The following COL5A2 variants were observed in gnomAD, a reference collection of about 807,000 sequenced individuals.
The protein encoded by COL5A2 is collagen type V alpha 2 chain.
COL5A2 carries 23 observed loss-of-function variants against 208.2 expected under a neutral mutation model. The observed-to-expected ratio is 0.11, with a 90% CI of 0.08 to 0.16. COL5A2 has a LOEUF of 0.16. COL5A2 is among the 10% of genes least tolerant of loss of function. The probability of loss-of-function intolerance (pLI) is 1.00; values close to 1 mark genes in which losing one functional copy is unlikely to be tolerated. For missense variants in COL5A2, 1,590 were observed against 1,956.4 expected (o/e 0.81, Z 3.53); for synonymous variants, 625 against 628.5 (o/e 0.99, Z 0.08).
the COL5A2 span, among the ~76,000 whole-genome samples, chr2:189,259,221 CA>C: frequency 1.3e-5 from 2 of 151,824 alleles, no homozygotes; most frequent in African/African-American, 4.8e-5. Flanking sequence ...ATTATGCAAG[CA>C]AAAAATGCTT....
the COL5A2 span, among the ~76,000 whole-genome samples, chr2:189,408,081 T>C: frequency 6.6e-6 from 1 of 152,166 alleles, no homozygotes; most frequent in Non-Finnish European, 1.5e-5. Context: ...CCTAGATTTG[T>C]GTGTTTGATT....
At chr2:189,421,460 T>C in the COL5A2 span, among the ~76,000 whole-genome samples, 1 of 152,126 alleles carries the variant, frequency 6.6e-6, no homozygotes, top group Non-Finnish European at 1.5e-5. Context: ...GTAGGAAAGA[T>C]AGTTTTATGT....
chr2:189,043,121 G>A (rs1165402367), intron 48 of COL5A2, 30 bp downstream of exon 48: 1 of 1,509,092 alleles, frequency 6.6e-7, no homozygotes. Context: ...TCAACTACAG[G>A]GCAGAATAAT....
intron 1 of COL5A2, among the ~76,000 whole-genome samples, chr2:189,197,358 G>A (rs1209727786): frequency 6.6e-6 from 1 of 151,920 alleles, no homozygotes; most frequent in Admixed American, 6.6e-5. Flanking sequence ...CTAGATGATG[G>A]GTTGATAGGT....
chr2:189,308,208 C>T, the COL5A2 span, among the ~76,000 whole-genome samples: 3 of 137,718 alleles, frequency 2.2e-5, no homozygotes, highest in Non-Finnish European at 3.1e-5. Flanking sequence ...AGCCCTCCCC[C>T]CTCCCTCTCA....
At chr2:189,232,600 TA>T in the COL5A2 span, among the ~76,000 whole-genome samples, 1 of 151,758 alleles carries the variant, frequency 6.6e-6, no homozygotes, top group African/African-American at 2.4e-5. Context: ...TCATTGCTGC[TA>T]TAGACTGAAT....
chr2:189,045,150 T>C (rs756004221), intron 47 of COL5A2, 29 bp downstream of exon 47: 3 of 1,555,064 alleles, frequency 1.9e-6, no homozygotes, highest in Non-Finnish European at 2.6e-6. Context: ...AAGAAAACAT[T>C]TTTTAAAAAA....
At chr2:189,185,953 G>T (rs1420488863) in intron 1 of COL5A2, among the ~76,000 whole-genome samples, 1 of 152,082 alleles carries the variant, frequency 6.6e-6, no homozygotes, top group Non-Finnish European at 1.5e-5. Flanking sequence ...GAGCAGGAGC[G>T]CATAGAAATG....
At chr2:189,100,985 C>T (rs937391002) in intron 3 of COL5A2, among the ~76,000 whole-genome samples, 22 of 151,954 alleles carry the variant, frequency 1.4e-4, no homozygotes, top group Non-Finnish European at 3.2e-4. Flanking sequence ...TAATCATTTA[C>T]TAATTTGTAT....
At chr2:189,253,576 T>C in the COL5A2 span, among the ~76,000 whole-genome samples, 2 of 152,258 alleles carry the variant, frequency 1.3e-5, no homozygotes, top group African/African-American at 4.8e-5. Flanking sequence ...ATATATTGCA[T>C]GTTTACCTTT....
intron 36 of COL5A2, 105 bp from the exon 37 acceptor site, chr2:189,054,053 T>A: frequency 7.1e-7 from 1 of 1,411,486 alleles, no homozygotes; most frequent in Non-Finnish European, 1.0e-6. Flanking sequence ...AACTCTGAAA[T>A]GATCTTGCTC....
At chr2:189,408,550 C>A in the COL5A2 span, among the ~76,000 whole-genome samples, 4 of 152,020 alleles carry the variant, frequency 2.6e-5, no homozygotes, top group Non-Finnish European at 5.9e-5. Flanking sequence ...AATTCAGTGG[C>A]CATGGTGACC....
At chr2:189,195,335 C>T (rs1211279900) in intron 1 of COL5A2, among the ~76,000 whole-genome samples, 3 of 152,152 alleles carry the variant, frequency 2.0e-5, no homozygotes, top group Non-Finnish European at 4.4e-5. Context: ...AAAGGAAAAA[C>T]ATTCCATCTT....
chr2:189,298,822 C>G, the COL5A2 span, among the ~76,000 whole-genome samples: 31 of 152,142 alleles, frequency 2.0e-4, no homozygotes, highest in African/African-American at 7.5e-4. Context: ...ACAATCACTG[C>G]ATGTATGACA....
chr2:189,071,922 C>T, intron 18 of COL5A2, 118 bp downstream of exon 18: 1 of 688,848 alleles, frequency 1.5e-6, no homozygotes, highest in Non-Finnish European at 2.6e-6. Context: ...ATACTCTAGG[C>T]TCTTTCCTTA....
At chr2:189,066,249 C>A (rs1321163192) in intron 23 of COL5A2, 141 bp downstream of exon 23, 1 of 834,622 alleles carries the variant, frequency 1.2e-6, no homozygotes, top group African/African-American at 1.7e-5. Context: ...TTGGCTCTTT[C>A]TATTTGCACA....
intron 10 of COL5A2, 99 bp from the exon 11 acceptor site, chr2:189,085,312 A>G (rs1312521198): frequency 2.0e-6 from 2 of 1,011,336 alleles, no homozygotes; most frequent in Non-Finnish European, 3.0e-6. Context: ...ATGTCAAACT[A>G]TTATTGAAAC....
intron 25 of COL5A2, 138 bp from the exon 26 acceptor site, chr2:189,064,171 G>A: frequency 1.4e-6 from 1 of 709,664 alleles, no homozygotes; most frequent in Non-Finnish European, 2.4e-6. Flanking sequence ...TTTAAGTGAT[G>A]TATTGTTAAA....
the COL5A2 span, among the ~76,000 whole-genome samples, chr2:189,418,266 T>G: frequency 2.0e-5 from 3 of 152,204 alleles, no homozygotes; most frequent in Non-Finnish European, 2.9e-5. Context: ...TCCTGAAACT[T>G]TTCTATCATC....
Sources: gnomAD v4.1 joint callset for allele counts (sites outside exome capture counted in the v4.1 genomes callset) on GRCh38, gnomAD v4.1.1 for gene constraint, MANE v1.5 for transcripts, NCBI Gene and HGNC (gene_info 2026-07-23, HGNC 2026-07-21) for gene names.